The following PCDH9 variants were observed in gnomAD, a reference collection of about 807,000 sequenced individuals.
The protein encoded by PCDH9 is protocadherin 9.
A neutral mutation model predicts 70.6 loss-of-function variants in PCDH9; 24 were observed. That is an observed-to-expected ratio of 0.34 (90% CI 0.25 to 0.48). PCDH9 has a LOEUF of 0.48. Ranked by LOEUF, PCDH9 falls within the 20% of genes least tolerant of loss-of-function variation. The pLI, the probability that PCDH9 is intolerant of heterozygous loss-of-function variation, is 0.99. For missense variants in PCDH9, 1,281 were observed against 1,503.6 expected, an observed-to-expected ratio of 0.85 and a Z score of 2.45; for synonymous variants, 562 against 558.5, an observed-to-expected ratio of 1.01 and a Z score of -0.09.
In PCDH9 at chr13:66,939,118, G is replaced by A. The variant is rs574635836; in HGVS notation, c.3037-35513C>T. ...TCTTCAGGTTGTCCTGTATTTTAAT[G>A]TTGAATCATTAAAAATTTACTTTGA... On this transcript the variant is annotated intron_variant, in intron 2 of 4. Transcript: ENST00000377865. Among the ~76,000 whole-genome samples the A allele has an allele frequency of 2.6e-4, 39 of 151,834 alleles. 1 individual carries two copies. The South Asian group carries it at 7.7e-3, about 30-fold the overall frequency.
chr13:66,905,710 A>T (rs1216914203), intron 2 of PCDH9, among the ~76,000 whole-genome samples: 1 of 152,132 alleles, frequency 6.6e-6, no homozygotes, highest in East Asian at 1.9e-4. Context: ...ACCTGAAAAA[A>T]AAATCCTATA....
intron 2 of PCDH9, among the ~76,000 whole-genome samples, chr13:67,103,797 A>C (rs1020814223): frequency 6.6e-6 from 1 of 151,260 alleles, no homozygotes; most frequent in African/African-American, 2.4e-5. Context: ...GAATTCCTAC[A>C]TCATTGACTA....
chr13:66,820,808 T>C (rs796407214), intron 3 of PCDH9, among the ~76,000 whole-genome samples: 2 of 152,052 alleles, frequency 1.3e-5, no homozygotes, highest in African/African-American at 4.8e-5. Context: ...TGACAACACA[T>C]AGAGGGGAGC....
chr13:66,550,638 G>A (rs1363543711), intron 4 of PCDH9, among the ~76,000 whole-genome samples: 1 of 152,104 alleles, frequency 6.6e-6, no homozygotes, highest in African/African-American at 2.4e-5. Flanking sequence ...GTCCTTGATA[G>A]CACAGAGCCC....
At chr13:66,456,225 G>C (rs1392194775) in intron 4 of PCDH9, among the ~76,000 whole-genome samples, 1 of 152,022 alleles carries the variant, frequency 6.6e-6, no homozygotes, top group South Asian at 2.1e-4. Context: ...TGCTAATAAA[G>C]AACTGGATAA....
chr13:66,891,622 A>G (rs1298848354), intron 3 of PCDH9, among the ~76,000 whole-genome samples: 1 of 152,116 alleles, frequency 6.6e-6, no homozygotes, highest in Non-Finnish European at 1.5e-5. Flanking sequence ...CCAGGGATAA[A>G]TATGGAAATA....
intron 3 of PCDH9, among the ~76,000 whole-genome samples, chr13:66,721,055 G>T (rs548708308): frequency 1.3e-5 from 2 of 152,306 alleles, no homozygotes; most frequent in Admixed American, 1.3e-4. Context: ...GCTTCCAAGT[G>T]TAATGGGTTA....
At chr13:66,314,550 C>T (rs1955617245) in intron 4 of PCDH9, among the ~76,000 whole-genome samples, 2 of 152,138 alleles carry the variant, frequency 1.3e-5, no homozygotes, top group Non-Finnish European at 2.9e-5. Flanking sequence ...TGTGGATTCC[C>T]CAATTTATAT....
chr13:66,380,770 C>T (rs960215146), intron 4 of PCDH9, among the ~76,000 whole-genome samples: 2 of 152,058 alleles, frequency 1.3e-5, no homozygotes, highest in African/African-American at 4.8e-5. Context: ...GTCTCGATCT[C>T]CTGACCTCGT....
At chr13:66,676,875 A>T (rs2078250261) in intron 3 of PCDH9, among the ~76,000 whole-genome samples, 1 of 152,132 alleles carries the variant, frequency 6.6e-6, no homozygotes, top group African/African-American at 2.4e-5. Flanking sequence ...TCTGTAAAAT[A>T]TATATTGCAA....
At chr13:67,064,506 T>C (rs1257648938) in intron 2 of PCDH9, among the ~76,000 whole-genome samples, 3 of 152,224 alleles carry the variant, frequency 2.0e-5, no homozygotes, top group African/African-American at 7.2e-5. Flanking sequence ...GCTTTTATCA[T>C]ATCAAATGCA....
At chr13:67,171,661 A>C (rs922152912) in intron 2 of PCDH9, among the ~76,000 whole-genome samples, 2 of 152,154 alleles carry the variant, frequency 1.3e-5, no homozygotes, top group African/African-American at 4.8e-5. Context: ...ATAAACTACA[A>C]ATTTAAGAAA....
chr13:66,937,068 A>G (rs1298656912), intron 2 of PCDH9, among the ~76,000 whole-genome samples: 2 of 152,210 alleles, frequency 1.3e-5, no homozygotes, highest in African/African-American at 4.8e-5. Flanking sequence ...TATGGTTCTC[A>G]ATATAATTTT....
At chr13:66,679,289 G>T (rs2078286064) in intron 3 of PCDH9, among the ~76,000 whole-genome samples, 1 of 151,388 alleles carries the variant, frequency 6.6e-6, no homozygotes, top group South Asian at 2.1e-4. Context: ...TGGTCATTCT[G>T]TCATAATACA....
At chr13:66,442,182 C>G (rs1456278750) in intron 4 of PCDH9, among the ~76,000 whole-genome samples, 1 of 152,134 alleles carries the variant, frequency 6.6e-6, no homozygotes, top group Admixed American at 6.6e-5. Context: ...CATCAATTGA[C>G]TTTCAATCTC....
intron 2 of PCDH9, among the ~76,000 whole-genome samples, chr13:67,192,151 T>C (rs1260990534): frequency 2.0e-5 from 3 of 151,980 alleles, no homozygotes; most frequent in Non-Finnish European, 4.4e-5. Context: ...ATATAATACA[T>C]ATTGGGGATG....
At chr13:66,384,586 A>G (rs1566285405) in intron 4 of PCDH9, among the ~76,000 whole-genome samples, 1 of 152,174 alleles carries the variant, frequency 6.6e-6, no homozygotes, top group Non-Finnish European at 1.5e-5. Context: ...ATGTAATACA[A>G]TACTGTAACT....
intron 3 of PCDH9, among the ~76,000 whole-genome samples, chr13:66,689,111 C>T (rs1235663641): frequency 6.6e-6 from 1 of 152,112 alleles, no homozygotes; most frequent in Non-Finnish European, 1.5e-5. Context: ...CTAATATATG[C>T]TATCCTTATA....
At chr13:66,452,697 A>G (rs1391949282) in intron 4 of PCDH9, among the ~76,000 whole-genome samples, 1 of 152,110 alleles carries the variant, frequency 6.6e-6, no homozygotes, top group African/African-American at 2.4e-5. Context: ...GTAATTGCAA[A>G]TAAGAGTTTG....
Sources: gnomAD v4.1 joint callset for allele counts (sites outside exome capture counted in the v4.1 genomes callset) on GRCh38, gnomAD v4.1.1 for gene constraint, MANE v1.5 for transcripts, NCBI Gene and HGNC (gene_info 2026-07-23, HGNC 2026-07-21) for gene names.